The following CACNG4 variants were observed in gnomAD, a reference collection of about 807,000 sequenced individuals.
The protein encoded by CACNG4 is calcium voltage-gated channel auxiliary subunit gamma 4.
Under a neutral mutation model 22.9 loss-of-function variants are expected in CACNG4, and 8 were observed. That is an observed-to-expected ratio of 0.35 (90% CI 0.21 to 0.63). The LOEUF (loss-of-function observed/expected upper bound fraction) is 0.63. CACNG4 is among the 30% of genes least tolerant of loss of function. The pLI, the probability that CACNG4 is intolerant of heterozygous loss-of-function variation, is 0.72. For missense variants in CACNG4, 357 were observed against 455.4 expected (o/e 0.78, Z 1.97); for synonymous variants, 188 against 191.9 (o/e 0.98, Z 0.17).
chr17:67,023,370 G>A (rs1598124588), intron 2 of CACNG4, among the ~76,000 whole-genome samples: 2 of 148,040 alleles, frequency 1.4e-5, no homozygotes, highest in African/African-American at 2.5e-5. Context: ...CCGCCTCCCG[G>A]GTTCACGCCA....
At position 67,031,755 on chromosome 17, in the gene CACNG4, A is replaced by G. The variant is rs1352076078; in HGVS notation, c.*751A>G. ...CACTCAGAATGGGCAGGACAGACCC[A>G]CTGACTGGACTTCAGAGTCTGGAGG... On this transcript the variant is annotated 3_prime_UTR_variant, in exon 4 of 4. Coordinates refer to ENST00000262138, the MANE Select transcript of CACNG4 (RefSeq NM_014405.4). The surrounding 1 kb of genome is among the most constrained non-coding windows in gnomAD (Gnocchi z 4.0). 2.2e-6 allele frequency: 1 copy of G among 456,732 alleles called. No individual in the cohort carries two copies. Among genetic ancestry groups the G allele is most frequent in the Admixed American group, 2.3e-5 (1 of 42,586 alleles). 28.3% of individuals were successfully genotyped at this position (456,732 alleles called of 1,614,324 possible).
intron 1 of CACNG4, among the ~76,000 whole-genome samples, chr17:66,986,806 C>T (rs954324238): frequency 1.5e-4 from 23 of 152,266 alleles, no homozygotes; most frequent in Non-Finnish European, 2.5e-4. Context: ...GTGTCTCTGT[C>T]CAAATTTCTC....
chr17:67,017,767 C>T (rs1598121756), intron 1 of CACNG4, among the ~76,000 whole-genome samples: 1 of 152,228 alleles, frequency 6.6e-6, no homozygotes, highest in Non-Finnish European at 1.5e-5. Flanking sequence ...CCACCCACCT[C>T]GGCCTCCTAA....
chr17:66,981,014 A>G (rs1197944462), intron 1 of CACNG4, among the ~76,000 whole-genome samples: 6 of 152,248 alleles, frequency 3.9e-5, no homozygotes, highest in Admixed American at 3.9e-4. Context: ...TGCATGGTGA[A>G]TACTGGAGGA....
chr17:66,978,489 C>A (rs1162208817), intron 1 of CACNG4, among the ~76,000 whole-genome samples: 1 of 152,098 alleles, frequency 6.6e-6, no homozygotes, highest in Non-Finnish European at 1.5e-5. Flanking sequence ...CCCCACACAC[C>A]AAAGCACAGG....
In CACNG4 at chr17:67,030,992, G is replaced by T; in HGVS notation, c.972G>T (p.Thr324=). Residue 324 remains threonine (T), a synonymous_variant, in exon 4 of 4, where the codon ACG becomes ACT. Coordinates refer to ENST00000262138, the MANE Select transcript of CACNG4 (RefSeq NM_014405.4). The surrounding 1 kb of genome is among the most constrained non-coding windows in gnomAD (Gnocchi z 6.4). ...GFHVSMLNRR[T]TPV ...ACGTCAGCATGCTGAACCGACGGACGACCCCTGTGTGAGCCGCCTGCCCTT... is the reference window on the plus strand; with the variant it reads ...ACGTCAGCATGCTGAACCGACGGACTACCCCTGTGTGAGCCGCCTGCCCTT... 6.2e-7 allele frequency: 1 copy of T among 1,610,532 alleles called. No individual in the cohort carries two copies. Among genetic ancestry groups the T allele is most frequent in the South Asian group, 1.1e-5 (1 of 90,888 alleles).
intron 2 of CACNG4, among the ~76,000 whole-genome samples, chr17:67,024,327 G>A (rs1374605174): frequency 6.6e-6 from 1 of 152,214 alleles, no homozygotes; most frequent in African/African-American, 2.4e-5. Context: ...TTCCACAGAT[G>A]GGAAGCTGAG....
Position 66,965,212 on chromosome 17 carries a change from G to GCGCGCA in CACNG4, c.220+82_220+83insGCGCAC, listed in dbSNP as rs1555575247. ...TATACACACGCGCGCGCGCGCGCGC[G>GCGCGCA]CACACACACACACGCGCACACACTG... On this transcript the variant is annotated intron_variant, in intron 1 of 3. Coordinates refer to ENST00000262138, the MANE Select transcript of CACNG4 (RefSeq NM_014405.4). 1.3e-3 allele frequency: 816 copies of GCGCGCA among 639,414 alleles called. 5 individuals are homozygous for GCGCGCA. Among genetic ancestry groups the GCGCGCA allele is most frequent in the East Asian group, 4.7e-3 (119 of 25,348 alleles). The allele number at this position is 639,414 out of a possible 1,614,324, so 39.6% of individuals were successfully genotyped here.
At position 67,023,944 on chromosome 17, in the gene CACNG4, G is replaced by A. The variant is rs201767310; in HGVS notation, c.305-916G>A. 9.8e-5 allele frequency among the ~76,000 whole-genome samples: 15 copies of A among 152,320 alleles called. No homozygotes were observed. The East Asian group carries it at 2.7e-3, about 27-fold the overall frequency. On this transcript the variant is annotated intron_variant, in intron 2 of 3. Transcript: ENST00000262138. ...TTAGGACACAGGTATATTCTAGGGA[G>A]GCTGCAATTCAACTCCCTACAGGTA... is the stretch of plus-strand genomic sequence containing the variant.
intron 1 of CACNG4, among the ~76,000 whole-genome samples, chr17:66,967,338 A>G (rs1288756701): frequency 6.6e-6 from 1 of 152,052 alleles, no homozygotes; most frequent in Admixed American, 6.5e-5. Flanking sequence ...GGGCCAGAAC[A>G]TCCTTGTGGG....
chr17:66,991,813 C>T (rs1000304320), intron 1 of CACNG4, among the ~76,000 whole-genome samples: 1 of 152,214 alleles, frequency 6.6e-6, no homozygotes, highest in African/African-American at 2.4e-5. Flanking sequence ...TCACCTGGCC[C>T]TGATGTTGAA....
At chr17:67,001,154 C>T (rs964399838) in intron 1 of CACNG4, among the ~76,000 whole-genome samples, 1 of 152,196 alleles carries the variant, frequency 6.6e-6, no homozygotes, top group Admixed American at 6.5e-5. Context: ...CACTCTCTTG[C>T]CTGCTGCCAT....
chr17:67,009,565 A>G (rs1376382256), intron 1 of CACNG4, among the ~76,000 whole-genome samples: 1 of 152,202 alleles, frequency 6.6e-6, no homozygotes, highest in Non-Finnish European at 1.5e-5. Flanking sequence ...GGCTGCTAAC[A>G]AACTACAAAA....
intron 1 of CACNG4, among the ~76,000 whole-genome samples, chr17:66,966,741 A>C (rs1567747861): frequency 6.6e-6 from 1 of 152,210 alleles, no homozygotes; most frequent in Non-Finnish European, 1.5e-5. Context: ...TGGAGTCTGC[A>C]GGTAACAGAA....
chr17:67,022,510 AGAG>A (rs2035537972), intron 2 of CACNG4, among the ~76,000 whole-genome samples: 1 of 152,228 alleles, frequency 6.6e-6, no homozygotes, highest in Non-Finnish European at 1.5e-5. Flanking sequence ...GAGGAATCGG[AGAG>A]GAGGAGGCAC....
At chr17:66,990,057 C>A (rs1230933205) in intron 1 of CACNG4, among the ~76,000 whole-genome samples, 1 of 152,206 alleles carries the variant, frequency 6.6e-6, no homozygotes, top group Non-Finnish European at 1.5e-5. Flanking sequence ...CTCCCAGTCT[C>A]TGTGGACTGG....
At chr17:67,018,313 C>T (rs113600789) in intron 2 of CACNG4, 41 bp downstream of exon 2, 61 of 1,520,886 alleles carry the variant, frequency 4.0e-5, no homozygotes, top group Non-Finnish European at 5.5e-5. Context: ...TGTGGGGAGG[C>T]GGAAGGGTGG....
At chr17:67,020,456 T>G (rs2035525193) in intron 2 of CACNG4, among the ~76,000 whole-genome samples, 2 of 152,212 alleles carry the variant, frequency 1.3e-5, no homozygotes, top group African/African-American at 4.8e-5. Flanking sequence ...GCAGCCAGGT[T>G]CATTAACAAG....
intron 1 of CACNG4, among the ~76,000 whole-genome samples, chr17:66,994,019 A>AT (rs758091892): frequency 7.6e-6 from 1 of 130,998 alleles, no homozygotes. Flanking sequence ...AAATATACAC[A>AT]TAAAAAAAAA....
Sources: allele counts gnomAD v4.1 joint callset (sites outside exome capture counted in the v4.1 genomes callset), GRCh38; gene constraint gnomAD v4.1.1; non-coding constraint Gnocchi (gnomAD v3.1); transcripts MANE v1.5; gene names NCBI Gene and HGNC (gene_info 2026-07-23, HGNC 2026-07-21).